The following PIWIL2 variants were observed in gnomAD, a reference collection of about 807,000 sequenced individuals.
PIWIL2 encodes piwi-like protein 2.
PIWIL2 carries 81 observed loss-of-function variants against 116.5 expected under a neutral mutation model. The ratio of observed to expected loss-of-function variants is 0.70; its 90% CI spans 0.58 to 0.84. The LOEUF is 0.84. Among genes scored for constraint, PIWIL2 ranks in the 40% least tolerant of loss-of-function variants. The pLI is 0.00. For synonymous variants in PIWIL2, 489 were observed against 429.5 expected (o/e 1.14, Z -1.71); for missense variants, 1,272 against 1,212.3 (o/e 1.05, Z -0.73).
intron 20 of PIWIL2, among the ~76,000 whole-genome samples, chr8:22,328,860 A>T (rs1831794162): frequency 7.1e-6 from 1 of 141,378 alleles, no homozygotes. Flanking sequence ...TTTTCTAGAT[A>T]CAGAATAATG....
In PIWIL2 at chr8:22,304,940, A is replaced by T. The variant is rs779445769; in HGVS notation, c.1455+72A>T. On this transcript the variant is annotated intron_variant, in intron 12 of 22. Transcript: ENST00000356766. The stretch of plus-strand genomic sequence containing the variant: ...CTGTCAGCTGCTTTTAGCCGTCCTC[A>T]TGGCTTTGTGGGAGCTGTGGAGTAG... The T allele has an allele frequency of 8.6e-6, 9 of 1,040,626 alleles. No homozygotes were observed. In the South Asian group the frequency reaches 1.0e-4, roughly 12 times the overall value. The allele number at this position is 1,040,626 out of a possible 1,614,324, so 64.5% of individuals were successfully genotyped here. A position where few individuals can be genotyped will look rare whatever the true frequency, so the allele number is the denominator to read the frequency against.
chr8:22,345,079 A>G (rs1319930194), intron 20 of PIWIL2, among the ~76,000 whole-genome samples: 3 of 152,234 alleles, frequency 2.0e-5, no homozygotes, highest in African/African-American at 4.8e-5. Flanking sequence ...TCTTAAAGAT[A>G]AGGTGGAAGA....
chr8:22,282,335 T>G (rs1336569845), intron 4 of PIWIL2, among the ~76,000 whole-genome samples: 4 of 127,994 alleles, frequency 3.1e-5, no homozygotes, highest in Non-Finnish European at 6.3e-5. Flanking sequence ...CACTGCAACC[T>G]CCGCCTCACA....
chr8:22,335,072 A>AAAAT (rs34666629), intron 20 of PIWIL2, among the ~76,000 whole-genome samples: 1 of 146,246 alleles, frequency 6.8e-6, no homozygotes, highest in Non-Finnish European at 1.5e-5. Context: ...AAAAAAAAAA[A>AAAAT]GTCAATTTTA....
At chr8:22,297,682 G>A (rs1830942685) in intron 10 of PIWIL2, among the ~76,000 whole-genome samples, 1 of 152,168 alleles carries the variant, frequency 6.6e-6, no homozygotes, top group Admixed American at 6.5e-5. Flanking sequence ...ATACAACAAG[G>A]AAAAGTGGGA....
chr8:22,340,356 C>T (rs545886586), intron 20 of PIWIL2, among the ~76,000 whole-genome samples: 7 of 152,126 alleles, frequency 4.6e-5, no homozygotes, highest in Non-Finnish European at 1.0e-4. Context: ...CACGCCTGGC[C>T]TATAAAAAGA....
At chr8:22,355,101 C>A (rs6989307) in intron 22 of PIWIL2, among the ~76,000 whole-genome samples, 9,349 of 141,034 alleles carry the variant, frequency 0.066, 338 homozygotes, top group Admixed American at 0.096. Flanking sequence ...ACAACAACAA[C>A]AAAAAAAAAA....
Position 22,320,259 on chromosome 8 carries a change from CTTTT to C in PIWIL2, c.2403+2003_2403+2006del, listed in dbSNP as rs71544874. 1.2e-3 allele frequency among the ~76,000 whole-genome samples: 105 copies of C among 89,612 alleles called. No individual in the cohort carries two copies. The East Asian group carries it at 0.041, about 35-fold the overall frequency. The allele number at this position is 89,612 out of a possible 152,430, so 58.8% of individuals were successfully genotyped here. Reference sequence around the variant, plus strand: ...TACAGGTGTGAGCTGCTGCGCCCGGCTTTTTTTTTTTTTTTTTTTTTTGAGACGG... The same window carrying C: ...TACAGGTGTGAGCTGCTGCGCCCGGCTTTTTTTTTTTTTTTTTTGAGACGG... On this transcript the variant is annotated intron_variant, in intron 20 of 22. Coordinates refer to ENST00000356766, the MANE Select transcript of PIWIL2 (RefSeq NM_018068.5).
intron 20 of PIWIL2, among the ~76,000 whole-genome samples, chr8:22,330,102 C>G (rs562220765): frequency 6.6e-6 from 1 of 152,134 alleles, no homozygotes; most frequent in Non-Finnish European, 1.5e-5. Flanking sequence ...GTTGGTATCT[C>G]CCAGGTTTCA....
chr8:22,284,847 T>G (rs1185801949), intron 6 of PIWIL2, among the ~76,000 whole-genome samples: 1 of 152,180 alleles, frequency 6.6e-6, no homozygotes, highest in East Asian at 1.9e-4. Context: ...TAGTTTGTGT[T>G]CTCTCTTAAT....
chr8:22,352,741 A>G (rs1832401087), intron 20 of PIWIL2: 1 of 478,272 alleles, frequency 2.1e-6, no homozygotes, highest in Admixed American at 3.5e-5. Context: ...TTCATGTTTT[A>G]TAACACCTTT....
intron 21 of PIWIL2, 35 bp from the exon 22 acceptor site, chr8:22,354,236 C>T (rs368105225): frequency 2.1e-5 from 29 of 1,379,054 alleles, no homozygotes; most frequent in Middle Eastern, 3.6e-4. Flanking sequence ...TGGCTGAATC[C>T]GACCATTTCA....
chr8:22,349,415 G>GTATATA (rs540224852), intron 20 of PIWIL2, among the ~76,000 whole-genome samples: 3,345 of 134,572 alleles, frequency 0.025, 69 homozygotes, highest in South Asian at 0.091. Context: ...ATATATGTGT[G>GTATATA]TGTGTATATA....
At chr8:22,328,810 C>A (rs938930026) in intron 20 of PIWIL2, among the ~76,000 whole-genome samples, 1 of 125,824 alleles carries the variant, frequency 7.9e-6, no homozygotes, top group African/African-American at 2.9e-5. Flanking sequence ...TGGTTATGAG[C>A]TCTAGTCGTT....
rs765211567 is a variant in PIWIL2 at position 22,308,069 on chromosome 8, A to G, written c.1682A>G (p.His561Arg). ...RWGLRLQKDV[H>R]KIEGRVLPME... ...GGGCTCCGTCTGCAAAAGGATGTACATAAGGTAAACCAAAAAACGTGATGG... is the reference window on the plus strand; with the variant it reads ...GGGCTCCGTCTGCAAAAGGATGTACGTAAGGTAAACCAAAAAACGTGATGG... The change falls in exon 14 of 23, where the codon CAT becomes CGT. Residue 561 changes from histidine to arginine, a missense_variant. His to Arg is a conservative substitution (Grantham distance 29, BLOSUM62 0). Coordinates refer to ENST00000356766, the MANE Select transcript of PIWIL2 (RefSeq NM_018068.5). The G allele has an allele frequency of 9.3e-6, 15 of 1,612,924 alleles. No individual in the cohort carries two copies. Among genetic ancestry groups the G allele is most frequent in the East Asian group, 4.5e-5 (2 of 44,880 alleles).
At chr8:22,355,159 T>C (rs531157259) in intron 22 of PIWIL2, among the ~76,000 whole-genome samples, 190 bp from the exon 23 acceptor site, 2 of 151,522 alleles carry the variant, frequency 1.3e-5, no homozygotes, top group South Asian at 4.2e-4. Context: ...GTCTGACTTA[T>C]GAATAGTGGG....
intron 10 of PIWIL2, among the ~76,000 whole-genome samples, chr8:22,300,872 A>G (rs964689870): frequency 3.9e-5 from 6 of 152,240 alleles, no homozygotes; most frequent in African/African-American, 1.4e-4. Context: ...GTTGTGCAGT[A>G]ATTCATTACA....
At chr8:22,351,436 CATACATAT>C (rs1411028830) in intron 20 of PIWIL2, among the ~76,000 whole-genome samples, 809 of 46,200 alleles carry the variant, frequency 0.018, 46 homozygotes, top group Admixed American at 0.096. Context: ...ACAGTGCATA[CATACATAT>C]ATATATATAT....
intron 20 of PIWIL2, among the ~76,000 whole-genome samples, chr8:22,338,691 A>AAAATAAATAAATAAAT (rs71544880): frequency 2.0e-5 from 3 of 149,960 alleles, no homozygotes; most frequent in Middle Eastern, 3.2e-3. Context: ...CTCCATCTCA[A>AAAATAAATAAATAAAT]AAATAAATAA....
Sources: allele counts gnomAD v4.1 joint callset (sites outside exome capture counted in the v4.1 genomes callset), GRCh38; gene constraint gnomAD v4.1.1; transcripts MANE v1.5; gene names NCBI Gene and HGNC (gene_info 2026-07-23, HGNC 2026-07-21).